KDM5A: variants seen among roughly 807,000 people sequenced by gnomAD.
The protein encoded by KDM5A is lysine demethylase 5A.
KDM5A carries 42 observed loss-of-function variants against 193.5 expected under a neutral mutation model. That is an observed-to-expected ratio of 0.22 (90% CI 0.17 to 0.28). The LOEUF is 0.28. Among genes scored for constraint, KDM5A ranks in the 10% least tolerant of loss-of-function variants. The pLI, the probability that KDM5A is intolerant of heterozygous loss-of-function variation, is 1.00. For synonymous variants in KDM5A, 796 were observed against 718.1 expected (o/e 1.11, Z -1.73); for missense variants, 1,692 against 2,055.1 (o/e 0.82, Z 3.42).
chr12:369,174 A>C (rs1944394367), intron 3 of KDM5A, among the ~76,000 whole-genome samples: 1 of 148,944 alleles, frequency 6.7e-6, no homozygotes, highest in Admixed American at 6.7e-5. Context: ...TCTCTGTTCA[A>C]ACAATCAATC....
chr12:352,194 A>T lies in KDM5A; in HGVS notation c.1149+11T>A, dbSNP rs1440168456. On this transcript the variant is annotated intron_variant, in intron 9 of 27. Coordinates refer to ENST00000399788, the MANE Select transcript of KDM5A (RefSeq NM_001042603.3). ...ACCTCCCCGGACCGACCTAAAAGAT[A>T]GCTTACTCACATGGACTGGCATATT... is the stretch of plus-strand genomic sequence containing the variant. 6.2e-7 allele frequency: 1 copy of T among 1,610,548 alleles called. No individual in the cohort carries two copies.
chr12:341,569 T>C (rs191959566), intron 10 of KDM5A, among the ~76,000 whole-genome samples: 2 of 152,122 alleles, frequency 1.3e-5, no homozygotes, highest in South Asian at 2.1e-4. Context: ...AATAATTAGA[T>C]TGTTATAACT....
chr12:320,898 G>C (rs978769034), intron 18 of KDM5A, 97 bp downstream of exon 18: 12 of 886,124 alleles, frequency 1.4e-5, no homozygotes, highest in Non-Finnish European at 2.1e-5. Context: ...AAAAAAATCA[G>C]AGCAAAAAAC....
intron 22 of KDM5A, 134 bp from the exon 23 acceptor site, chr12:308,139 G>A (rs576288165): frequency 8.1e-5 from 71 of 877,946 alleles, no homozygotes; most frequent in Non-Finnish European, 1.1e-4. Context: ...GGCCCCTGGC[G>A]GTTTCCATGC....
chr12:312,012 C>T (rs1403790558), intron 20 of KDM5A, among the ~76,000 whole-genome samples: 1 of 152,072 alleles, frequency 6.6e-6, no homozygotes, highest in African/African-American at 2.4e-5. Flanking sequence ...CCAGCCAGGG[C>T]GACAGAGCAA....
chr12:332,672 A>T (rs1943879703), intron 12 of KDM5A, among the ~76,000 whole-genome samples: 1 of 152,208 alleles, frequency 6.6e-6, no homozygotes, highest in Non-Finnish European at 1.5e-5. Context: ...AAATCTTTAC[A>T]TGAGAAAATA....
intron 10 of KDM5A, among the ~76,000 whole-genome samples, chr12:344,351 T>C (rs1944043717): frequency 6.6e-6 from 1 of 152,160 alleles, no homozygotes; most frequent in African/African-American, 2.4e-5. Context: ...TTCAGGATAT[T>C]ATCCAGGAGA....
chr12:313,046 G>C lies in KDM5A; in HGVS notation c.3036+10C>G, dbSNP rs771990467. 5.0e-6 allele frequency: 8 copies of C among 1,613,888 alleles called. No individual in the cohort carries two copies. In the East Asian group the frequency reaches 8.9e-5, roughly 18 times the overall value. On this transcript the variant is annotated intron_variant, in intron 20 of 27. Coordinates refer to ENST00000399788, the MANE Select transcript of KDM5A (RefSeq NM_001042603.3). Reference sequence around the variant, plus strand: ...ACCTGATAGGTGGGATAATCCAAAAGTCTTCTTACCTGAATAGCTTCCACT... The same window carrying C: ...ACCTGATAGGTGGGATAATCCAAAACTCTTCTTACCTGAATAGCTTCCACT...
chr12:371,041 G>A (rs544835653), intron 3 of KDM5A, among the ~76,000 whole-genome samples: 1 of 150,574 alleles, frequency 6.6e-6, no homozygotes, highest in East Asian at 1.9e-4. Flanking sequence ...TTGGTTCCAA[G>A]TCTTTGCTAT....
At chr12:336,571 G>A (rs720127) in intron 10 of KDM5A, among the ~76,000 whole-genome samples, 10,719 of 152,124 alleles carry the variant, frequency 0.07, 844 homozygotes, top group East Asian at 0.35. Flanking sequence ...TCATTGAAGA[G>A]ACAAGGTCTA....
intron 4 of KDM5A, among the ~76,000 whole-genome samples, chr12:363,610 C>A (rs1944318065): frequency 6.6e-6 from 1 of 152,086 alleles, no homozygotes; most frequent in African/African-American, 2.4e-5. Flanking sequence ...TCACCTCATA[C>A]TATACACACA....
chr12:296,824 G>A (rs1284317932), intron 25 of KDM5A, among the ~76,000 whole-genome samples: 1 of 152,174 alleles, frequency 6.6e-6, no homozygotes, highest in Non-Finnish European at 1.5e-5. Context: ...TTCTAATTAG[G>A]ACTCTAAAAC....
At chr12:359,083 T>A (rs1249695590) in intron 5 of KDM5A, among the ~76,000 whole-genome samples, 2 of 151,690 alleles carry the variant, frequency 1.3e-5, no homozygotes, top group African/African-American at 4.8e-5. Context: ...CTTAAACACT[T>A]CAATAAAAAC....
At chr12:293,714 G>A (rs1192224369) in intron 26 of KDM5A, among the ~76,000 whole-genome samples, 1 of 145,344 alleles carries the variant, frequency 6.9e-6, no homozygotes, top group Admixed American at 6.9e-5. Context: ...GGGAGGCGGA[G>A]GTTGCAGTGA....
In KDM5A at chr12:328,905, G is replaced by A. The variant is rs2137419049; in HGVS notation, c.1898C>T (p.Ala633Val). The change falls in exon 14 of 28, where the codon GCC becomes GTC. Residue 633 changes from alanine to valine, a missense_variant. Around this residue, in one of 11 missense-constraint regions of KDM5A, gnomAD observed 88 missense variants for 124.6 expected, o/e 0.71. Coordinates refer to ENST00000399788, the MANE Select transcript of KDM5A (RefSeq NM_001042603.3). ...DPECLDVGLAAMVCKELTLMT... is the reference protein window; with the variant it reads ...DPECLDVGLAVMVCKELTLMT... ...GAGAGTCAATTCTTTGCAGACCATG[G>A]CAGCCAGCCCCACATCTAAGCATTC... 6.2e-7 allele frequency: 1 copy of A among 1,614,150 alleles called. No individual in the cohort carries two copies. Among genetic ancestry groups the A allele is most frequent in the Non-Finnish European group, 8.5e-7 (1 of 1,180,024 alleles).
In KDM5A at chr12:334,266, T is replaced by C; in HGVS notation, c.1465A>G (p.Ser489Gly). The C allele has an allele frequency of 6.2e-7, 1 of 1,614,150 alleles. No individual in the cohort carries two copies. Among genetic ancestry groups the C allele is most frequent in the Non-Finnish European group, 8.5e-7 (1 of 1,180,008 alleles). The change falls in exon 11 of 28, where the codon AGT becomes GGT. Residue 489 changes from serine to glycine, a missense_variant. Physicochemically the swap from Ser to Gly is moderately conservative, Grantham distance 56 (BLOSUM62 0). Transcript: ENST00000399788. ...CAGTGCAAGTAGTTGATGGAATAACTCCAGTGATCCTCAATGTGCCAGCAA... is the reference window on the plus strand; with the variant it reads ...CAGTGCAAGTAGTTGATGGAATAACCCCAGTGATCCTCAATGTGCCAGCAA... ...SFCWHIEDHW[S>G]YSINYLHWGE...
chr12:376,209 G>T (rs1042054948), intron 3 of KDM5A, among the ~76,000 whole-genome samples: 20 of 152,202 alleles, frequency 1.3e-4, no homozygotes, highest in Non-Finnish European at 2.8e-4. Flanking sequence ...AGGCCTCCTT[G>T]AGCTGCGGTG....
In KDM5A at chr12:310,025, T is replaced by C. The variant is rs1943564438; in HGVS notation, c.3217-61A>G. On this transcript the variant is annotated intron_variant, in intron 21 of 27. Transcript: ENST00000399788. ...TTGAAAATAATCTTAAAAGTAAAAA[T>C]AATAAAGGAACCATTTGTTGACTGT... The C allele has an allele frequency of 8.4e-6, 13 of 1,548,496 alleles. 1 individual carries two copies. The South Asian group carries it at 1.3e-4, about 15-fold the overall frequency.
chr12:375,396 T>C (rs1944489896), intron 3 of KDM5A, among the ~76,000 whole-genome samples: 1 of 152,196 alleles, frequency 6.6e-6, no homozygotes, highest in Non-Finnish European at 1.5e-5. Context: ...CATCACGTAG[T>C]TGTTCTCGTG....
Sources: allele counts gnomAD v4.1 joint callset (sites outside exome capture counted in the v4.1 genomes callset), GRCh38; gene constraint gnomAD v4.1.1; regional missense constraint gnomAD v4.1.1; transcripts MANE v1.5; gene names NCBI Gene and HGNC (gene_info 2026-07-23, HGNC 2026-07-21).